UBR4: variants seen among roughly 807,000 people sequenced by gnomAD.
UBR4 encodes the protein ubiquitin protein ligase E3 component n-recognin 4, also known as E3 ubiquitin-protein ligase UBR4.
In UBR4, 124 loss-of-function variants were observed where a neutral mutation model predicts 575.6. The ratio of observed to expected loss-of-function variants is 0.22; its 90% CI spans 0.19 to 0.25. UBR4 has a LOEUF of 0.25. Among genes scored for constraint, UBR4 ranks in the 10% least tolerant of loss-of-function variants. The pLI is 1.00. For synonymous variants in UBR4, 2,455 were observed against 2,473.7 expected, an observed-to-expected ratio of 0.99 and a Z score of 0.22; for missense variants, 4,818 against 6,478.8, an observed-to-expected ratio of 0.74 and a Z score of 8.80.
Position 19,176,687 on chromosome 1 carries a change from C to G in UBR4, c.2678G>C (p.Ser893Thr). The stretch of plus-strand genomic sequence containing the variant: ...GCGGCTGTTGCTGTCCTGGGATCCA[C>G]TTGCCCACCCAAAGGGAGGACTTAG... The part of the protein sequence containing the change: ...NLLSPPFGWA[S>T]GSQDSNSRRA... The change falls in exon 20 of 106, where the codon AGT (serine) becomes ACT (threonine). Residue 893 changes from serine (S) to threonine (T), a missense_variant. By Grantham distance (58) the Ser-to-Thr change is moderately conservative (BLOSUM62 1). Transcript: ENST00000375254. The G allele has an allele frequency of 6.2e-7, 1 of 1,614,090 alleles. No homozygotes were observed. The highest frequency in any genetic ancestry group is 1.7e-4 in the Middle Eastern group (1 of 6,004).
Position 19,185,080 on chromosome 1 carries a change from C to T in UBR4, c.1938+19G>A. ...CTCCCCATGTCCACTTCCCCTAAAC[C>T]TTAGAAACCTACTCTTACCAACTCA... On this transcript the variant is annotated intron_variant, in intron 15 of 105. Coordinates refer to ENST00000375254, the MANE Select transcript of UBR4 (RefSeq NM_020765.3). 6.2e-7 allele frequency: 1 copy of T among 1,614,054 alleles called. No homozygotes were observed. Among genetic ancestry groups the T allele is most frequent in the African/African-American group, 1.3e-5 (1 of 75,034 alleles).
chr1:19,187,299 A>G lies in UBR4; in HGVS notation c.1497T>C (p.Gly499=). Residue 499 remains glycine, a splice_region_variant and synonymous_variant, in exon 13 of 106, where the codon GGT becomes GGC. Coordinates refer to ENST00000375254, the MANE Select transcript of UBR4 (RefSeq NM_020765.3). ...QDLQVEALHK[G]WETDGPPAAL... ...CTGCAGGGGGGCCATCTGTCTCCCA[A>G]CCCTGAAGGCAATGATATCAAAGGG... The G allele has an allele frequency of 1.2e-6, 2 of 1,613,010 alleles. No homozygotes were observed. The highest frequency in any genetic ancestry group is 1.1e-5 in the South Asian group (1 of 91,012).
intron 77 of UBR4, chr1:19,113,098 T>C (rs2080082656): frequency 5.8e-6 from 3 of 520,658 alleles, no homozygotes; most frequent in East Asian, 3.4e-5. Context: ...CAGACTCAGA[T>C]GGCAGGCTTA....
intron 86 of UBR4, 103 bp from the exon 87 acceptor site, chr1:19,104,360 A>T (rs908330039): frequency 2.8e-6 from 4 of 1,421,694 alleles, no homozygotes; most frequent in African/African-American, 2.8e-5. Flanking sequence ...GGGAAAATCT[A>T]TCTTTGTGCA....
intron 17 of UBR4, among the ~76,000 whole-genome samples, chr1:19,181,160 A>C (rs2090908053): frequency 6.6e-6 from 1 of 152,106 alleles, no homozygotes; most frequent in Non-Finnish European, 1.5e-5. Context: ...TGGTAAGATC[A>C]CTTGGGCCAG....
Position 19,187,509 on chromosome 1 carries a change from A to T in UBR4, c.1426T>A (p.Leu476Met). Residue 476 changes from leucine to methionine, a missense_variant, in exon 12 of 106, where the codon TTG (leucine) becomes ATG (methionine). Around this residue, in one of 29 missense-constraint regions of UBR4, gnomAD observed 162 missense variants for 216.4 expected, o/e 0.75. Transcript: ENST00000375254. ...AGCAGTTTGATGGCATGGTTTGCCAATATTACTGAGAGTACCCCAAATCCC... is the reference window on the plus strand; with the variant it reads ...AGCAGTTTGATGGCATGGTTTGCCATTATTACTGAGAGTACCCCAAATCCC... ...HQGFGVLSVI[L>M]ANHAIKLLTS... 6.2e-7 allele frequency: 1 copy of T among 1,613,856 alleles called. No individual in the cohort carries two copies. The highest frequency in any genetic ancestry group is 8.5e-7 in the Non-Finnish European group (1 of 1,180,006).
chr1:19,141,081 T>G (rs1228322342), intron 57 of UBR4, among the ~76,000 whole-genome samples, 189 bp from the exon 58 acceptor site: 1 of 152,206 alleles, frequency 6.6e-6, no homozygotes, highest in Non-Finnish European at 1.5e-5. Context: ...GAATGCTTCC[T>G]TCAGCTCAGG....
chr1:19,181,644 T>C (rs1269910956), intron 17 of UBR4, among the ~76,000 whole-genome samples: 3 of 152,152 alleles, frequency 2.0e-5, no homozygotes, highest in Admixed American at 2.0e-4. Flanking sequence ...ACCTGGCACA[T>C]AGTAGGTGCT....
At chr1:19,179,258 G>T in intron 17 of UBR4, 38 bp from the exon 18 acceptor site, 4 of 1,498,314 alleles carry the variant, frequency 2.7e-6, no homozygotes, top group Non-Finnish European at 3.5e-6. Flanking sequence ...TTAGCAAACA[G>T]ATACGGGATA....
intron 78 of UBR4, chr1:19,112,041 CACTGTGCCCAGCCT>C (rs2079947085): frequency 6.5e-6 from 1 of 152,892 alleles, no homozygotes; most frequent in South Asian, 2.1e-4. Context: ...GGGCAAGAGC[CACTGTGCCCAGCCT>C]ACTGTCAGTA....
At chr1:19,106,289 G>A (rs1311918295) in intron 83 of UBR4, among the ~76,000 whole-genome samples, 6 of 152,244 alleles carry the variant, frequency 3.9e-5, no homozygotes, top group African/African-American at 9.6e-5. Context: ...CAGAAGATAC[G>A]AAAAATGGAA....
chr1:19,198,973 G>C, intron 3 of UBR4, 45 bp from the exon 4 acceptor site: 1 of 1,592,192 alleles, frequency 6.3e-7, no homozygotes, highest in East Asian at 2.2e-5. Flanking sequence ...AAAACAAATA[G>C]ATCTTTCAGA....
Position 19,106,715 on chromosome 1 carries a change from T to A in UBR4, c.12247A>T (p.Asn4083Tyr), listed in dbSNP as rs2079241400. 6.3e-7 allele frequency: 1 copy of A among 1,599,786 alleles called. No homozygotes were observed. Among genetic ancestry groups the A allele is most frequent in the African/African-American group, 1.3e-5 (1 of 74,620 alleles). ...KCLPIRGIDG[N>Y]GKAPSKSELR... The stretch of plus-strand genomic sequence containing the variant: ...TCTGATTTGCTGGGGGCTTTCCCAT[T>A]GCCATCTATCCCTGCAAGGCCAAGG... The change falls in exon 83 of 106, where the codon AAT becomes TAT. Residue 4083 changes from asparagine to tyrosine, a missense_variant. Transcript: ENST00000375254.
chr1:19,145,888 T>C lies in UBR4; in HGVS notation c.7850A>G (p.Asp2617Gly), dbSNP rs898670627. The C allele has an allele frequency of 8.7e-6, 14 of 1,614,146 alleles. No homozygotes were observed. The highest frequency in any genetic ancestry group is 1.7e-5 in the Admixed American group (1 of 60,018). The change falls in exon 53 of 106, where the codon GAT becomes GGT. Residue 2617 changes from aspartate to glycine, a missense_variant. Transcript: ENST00000375254. ...AAGCTGGGTGATGAAACTACAGCAA[T>C]CTCCTTCCAACTGCTTCTGCGGTTC... ...GKEPQKQLEG[D>G]CCSFITQLVN...
Position 19,185,650 on chromosome 1 carries a change from C to T in UBR4, c.1751-364G>A, listed in dbSNP as rs557404702. On this transcript the variant is annotated intron_variant, in intron 14 of 105. Transcript: ENST00000375254. ...GTGCAGTGGTGCAATATTGGCTCGC[C>T]GCAACCTCCACCTCCCAGGTTCAAG... 7.9e-5 allele frequency among the ~76,000 whole-genome samples: 12 copies of T among 151,014 alleles called. No homozygotes were observed. The South Asian group carries it at 1.5e-3, about 18-fold the overall frequency.
chr1:19,087,787 A>G (rs753314344), intron 99 of UBR4, 29 bp downstream of exon 99: 2 of 1,574,902 alleles, frequency 1.3e-6, no homozygotes, highest in Non-Finnish European at 1.7e-6. Context: ...CTGGGCCCTC[A>G]GGACCGACCG....
In UBR4 at chr1:19,139,028, T is replaced by G. The variant is rs1182388822; in HGVS notation, c.8731+55A>C. The G allele has an allele frequency of 1.3e-6, 2 of 1,533,826 alleles. No homozygotes were observed. Among genetic ancestry groups the G allele is most frequent in the Non-Finnish European group, 1.8e-6 (2 of 1,134,936 alleles). On this transcript the variant is annotated intron_variant, in intron 59 of 105. Coordinates refer to ENST00000375254, the MANE Select transcript of UBR4 (RefSeq NM_020765.3). The surrounding 1 kb of genome is among the most constrained non-coding windows in gnomAD (Gnocchi z 4.2). ...ACCCCAAGACCCAAGCAGAGATTCC[T>G]GTTTTGTCCCCACCCTCTGCCCAAG...
At position 19,092,908 on chromosome 1, in the gene UBR4, C is replaced by T. The variant is rs374138211; in HGVS notation, c.14122G>A (p.Asp4708Asn). 38 of 1,613,044 alleles carry T rather than the reference C, an allele frequency of 2.4e-5. No individual in the cohort carries two copies. The highest frequency in any genetic ancestry group is 3.0e-5 in the Non-Finnish European group (35 of 1,179,724). ...HIPSAKNLDADIWKKFLSRPA... is the reference protein window; with the variant it reads ...HIPSAKNLDANIWKKFLSRPA... ...CGAGACAAAAACTTTTTCCAGATGT[C>T]GGCATCCAAACTGCAAAGCAAAGGA... Residue 4708 changes from aspartate (D) to asparagine (N), a missense_variant, in exon 97 of 106, where the codon GAC becomes AAC. Transcript: ENST00000375254.
chr1:19,194,042 G>C (rs895227408), intron 8 of UBR4, among the ~76,000 whole-genome samples: 2 of 152,140 alleles, frequency 1.3e-5, no homozygotes, highest in Non-Finnish European at 2.9e-5. Flanking sequence ...GTCGAGGGAT[G>C]GGATAAGGAA....
Sources: allele counts gnomAD v4.1 joint callset (sites outside exome capture counted in the v4.1 genomes callset), GRCh38; gene constraint gnomAD v4.1.1; regional missense constraint gnomAD v4.1.1; non-coding constraint Gnocchi (gnomAD v3.1); transcripts MANE v1.5; gene names NCBI Gene and HGNC (gene_info 2026-07-23, HGNC 2026-07-21).